PPP3CC: variants seen among roughly 807,000 people sequenced by gnomAD.
PPP3CC encodes protein phosphatase 3 catalytic subunit gamma.
In PPP3CC, 35 loss-of-function variants were observed where a neutral mutation model predicts 60.3. The observed-to-expected ratio is 0.58, with a 90% CI of 0.44 to 0.77. PPP3CC has a LOEUF of 0.77. PPP3CC is among the 30% of genes least tolerant of loss of function. The pLI is 0.00. For synonymous variants in PPP3CC, 206 were observed against 224.3 expected (o/e 0.92, Z 0.73); for missense variants, 570 against 628.9 (o/e 0.91, Z 1.00).
intron 6 of PPP3CC, among the ~76,000 whole-genome samples, chr8:22,514,935 C>T (rs1459586963): frequency 6.6e-6 from 1 of 152,100 alleles, no homozygotes; most frequent in Non-Finnish European, 1.5e-5. Context: ...ACCTCAGCCT[C>T]CCAAAGTGCT....
intron 8 of PPP3CC, among the ~76,000 whole-genome samples, chr8:22,525,544 C>CTT (rs1839534156): frequency 2.4e-5 from 1 of 40,940 alleles, no homozygotes; most frequent in South Asian, 8.0e-4. Flanking sequence ...CTTTCTCTCC[C>CTT]TCTCTCTCTC....
At chr8:22,532,115 T>C in intron 10 of PPP3CC, 110 bp from the exon 11 acceptor site, 1 of 732,866 alleles carries the variant, frequency 1.4e-6, no homozygotes, top group Non-Finnish European at 2.2e-6. Context: ...CCTTCATTTC[T>C]GTTTTTTAAA....
Position 22,513,452 on chromosome 8 carries a change from C to A in PPP3CC, c.770+20C>A. ...CTACAGGTAAGCTAGTCCTTGAGGT[C>A]GAAAATTATGAAAGGAAACTGTAAT... On this transcript the variant is annotated intron_variant, in intron 6 of 13. Coordinates refer to ENST00000240139, the MANE Select transcript of PPP3CC (RefSeq NM_005605.5). 3 of 1,553,324 alleles carry A rather than the reference C, an allele frequency of 1.9e-6. No homozygotes were observed. The highest frequency in any genetic ancestry group is 1.2e-5 in the South Asian group (1 of 80,928).
At chr8:22,531,068 A>C (rs1839701105) in intron 10 of PPP3CC, among the ~76,000 whole-genome samples, 1 of 152,204 alleles carries the variant, frequency 6.6e-6, no homozygotes, top group South Asian at 2.1e-4. Flanking sequence ...ATGTGAATTA[A>C]TGTAAAACCA....
chr8:22,528,631 AGTT>A (rs1839625188), intron 10 of PPP3CC, 54 bp downstream of exon 10: 2 of 1,232,028 alleles, frequency 1.6e-6, no homozygotes, highest in Non-Finnish European at 2.2e-6. Context: ...TTTTGGTTTT[AGTT>A]GTTTTAGTTT....
chr8:22,468,237 G>A (rs1413664926), intron 1 of PPP3CC, among the ~76,000 whole-genome samples: 2 of 152,106 alleles, frequency 1.3e-5, no homozygotes, highest in African/African-American at 4.8e-5. Flanking sequence ...CCGAGTAGCT[G>A]GGATTACAGG....
intron 3 of PPP3CC, among the ~76,000 whole-genome samples, chr8:22,486,811 C>G (rs1838239494): frequency 6.6e-6 from 1 of 151,232 alleles, no homozygotes; most frequent in African/African-American, 2.4e-5. Flanking sequence ...CTCACTGCAG[C>G]CTCTGCCTCC....
intron 5 of PPP3CC, 102 bp downstream of exon 5, chr8:22,511,333 G>A (rs780471434): frequency 3.4e-5 from 44 of 1,284,012 alleles, no homozygotes; most frequent in African/African-American, 7.5e-5. Context: ...TCTTTCACCC[G>A]GGCTGAAGTA....
In PPP3CC at chr8:22,527,394, G is replaced by A; in HGVS notation, c.946G>A (p.Ala316Thr). 6.2e-7 allele frequency: 1 copy of A among 1,613,454 alleles called. No individual in the cohort carries two copies. Among genetic ancestry groups the A allele is most frequent in the Non-Finnish European group, 8.5e-7 (1 of 1,179,684 alleles). The change falls in exon 9 of 14, where the codon GCT becomes ACT. Residue 316 changes from alanine to threonine, a missense_variant and splice_region_variant. By Grantham distance (58) the Ala-to-Thr change is moderately conservative. Coordinates refer to ENST00000240139, the MANE Select transcript of PPP3CC (RefSeq NM_005605.5). Reference sequence around the variant, plus strand: ...TTTCTTGCTTTTTTCCTTTTTAGCTGCTGTGTTGAAATATGAAAACAATGT... The same window carrying A: ...TTTCTTGCTTTTTTCCTTTTTAGCTACTGTGTTGAAATATGAAAACAATGT... ...NYLDVYNNKA[A>T]VLKYENNVMN...
At chr8:22,469,811 G>T (rs1349447588) in intron 1 of PPP3CC, among the ~76,000 whole-genome samples, 2 of 151,992 alleles carry the variant, frequency 1.3e-5, no homozygotes, top group Non-Finnish European at 2.9e-5. Flanking sequence ...GCCCCACTGT[G>T]CCCTGTCTGA....
chr8:22,454,230 T>G (rs1391086822), intron 1 of PPP3CC, among the ~76,000 whole-genome samples: 1 of 152,212 alleles, frequency 6.6e-6, no homozygotes, highest in Non-Finnish European at 1.5e-5. Context: ...TTTAAAACTT[T>G]TTTGTTAAAA....
intron 1 of PPP3CC, among the ~76,000 whole-genome samples, chr8:22,474,322 T>C (rs1273524058): frequency 6.6e-6 from 1 of 152,228 alleles, no homozygotes; most frequent in Non-Finnish European, 1.5e-5. Context: ...GTTCTATAGA[T>C]AGAAAAACAA....
chr8:22,540,532 G>C, intron 13 of PPP3CC, 83 bp from the exon 14 acceptor site: 3 of 1,342,234 alleles, frequency 2.2e-6, no homozygotes, highest in Non-Finnish European at 3.1e-6. Flanking sequence ...CTAGGAGGTT[G>C]CTGTGTGCTA....
intron 1 of PPP3CC, among the ~76,000 whole-genome samples, chr8:22,462,556 GTTCT>G (rs1459564855): frequency 2.0e-5 from 3 of 150,996 alleles, no homozygotes; most frequent in Non-Finnish European, 4.4e-5. Context: ...AGGCCATTTT[GTTCT>G]TTTTTTTCTT....
At chr8:22,457,035 TCCTCCCTC>T (rs1837219721) in intron 1 of PPP3CC, among the ~76,000 whole-genome samples, 3 of 51,618 alleles carry the variant, frequency 5.8e-5, no homozygotes, top group Non-Finnish European at 7.1e-5. Flanking sequence ...CTTCCTCCCT[TCCTCCCTC>T]CCTTCCTTCC....
intron 12 of PPP3CC, among the ~76,000 whole-genome samples, chr8:22,533,233 A>C (rs1192608584): frequency 6.6e-6 from 1 of 152,234 alleles, no homozygotes; most frequent in African/African-American, 2.4e-5. Context: ...AAACAGTAAA[A>C]CAAGAAGAAA....
At chr8:22,472,081 G>A (rs1395351405) in intron 1 of PPP3CC, among the ~76,000 whole-genome samples, 1 of 151,974 alleles carries the variant, frequency 6.6e-6, no homozygotes, top group African/African-American at 2.4e-5. Context: ...GTGAGCCATG[G>A]TAGTGCCATT....
chr8:22,484,500 C>G (rs181200143), intron 3 of PPP3CC, among the ~76,000 whole-genome samples: 5 of 152,198 alleles, frequency 3.3e-5, no homozygotes, highest in Admixed American at 2.0e-4. Flanking sequence ...TGGAATAAGG[C>G]CAAACTTAAT....
intron 13 of PPP3CC, among the ~76,000 whole-genome samples, chr8:22,539,965 A>G (rs756537986): frequency 2.0e-4 from 30 of 152,352 alleles, no homozygotes; most frequent in Non-Finnish European, 3.2e-4. Context: ...CTTTGTTTCT[A>G]TGAAAACCAT....
Sources: allele counts gnomAD v4.1 joint callset (sites outside exome capture counted in the v4.1 genomes callset), GRCh38; gene constraint gnomAD v4.1.1; transcripts MANE v1.5; gene names NCBI Gene and HGNC (gene_info 2026-07-23, HGNC 2026-07-21).